SCAMP5: variants seen among roughly 807,000 people sequenced by gnomAD.
SCAMP5 encodes secretory carrier-associated membrane protein 5.
Under a neutral mutation model 28.3 loss-of-function variants are expected in SCAMP5, and 7 were observed. The observed-to-expected ratio is 0.25, with a 90% confidence interval of 0.14 to 0.46. The LOEUF is 0.46. SCAMP5 is among the 20% of genes least tolerant of loss of function. SCAMP5 has a pLI of 0.99. For synonymous variants in SCAMP5, 117 were observed against 116.4 expected (o/e 1.00, Z -0.03); for missense variants, 192 against 312.5 (o/e 0.61, Z 2.91).
Position 75,018,466 on chromosome 15 carries a change from G to A in SCAMP5, c.444G>A (p.Ala148=), listed in dbSNP as rs774185903. The A allele has an allele frequency of 5.0e-6, 8 of 1,613,696 alleles. No individual in the cohort carries two copies. In the East Asian group the frequency reaches 8.9e-5, roughly 18 times the overall value. Residue 148 remains alanine (A), a synonymous_variant, in exon 6 of 7, where the codon GCG becomes GCA. Coordinates refer to ENST00000425597, the MANE Select transcript of SCAMP5 (RefSeq NM_138967.4). The surrounding 1 kb of genome is among the most constrained non-coding windows in gnomAD (Gnocchi z 5.6). The part of the protein sequence containing the change: ...ISFFGTNIGS[A]VVMLIPTVMF... The stretch of plus-strand genomic sequence containing the variant: ...TCTTCGGAACGAACATTGGCTCGGC[G>A]GTGGTGATGCTAATTCCCACTGTCA...
intron 4 of SCAMP5, among the ~76,000 whole-genome samples, chr15:75,017,481 T>G (rs1329293133): frequency 6.6e-6 from 1 of 152,112 alleles, no homozygotes; most frequent in Non-Finnish European, 1.5e-5. Flanking sequence ...CAATGAGACT[T>G]TCTATCTCTG....
At position 75,018,973 on chromosome 15, in the gene SCAMP5, A is replaced by G. The variant is rs374013867; in HGVS notation, c.698A>G (p.Asn233Ser). ...GCCACCCCCAATTACACGTACTCCA[A>G]TGAGATGTGAACCAGCCACGCCTAC... Reference protein sequence around the residue: ...YSATPNYTYSNEM With the variant: ...YSATPNYTYSSEM The change falls in exon 7 of 7, where the codon AAT becomes AGT. Residue 233 changes from asparagine to serine, a missense_variant. Asn to Ser is a conservative substitution (Grantham distance 46). Transcript: ENST00000425597. The surrounding 1 kb of genome is among the most constrained non-coding windows in gnomAD (Gnocchi z 5.6). The G allele has an allele frequency of 2.0e-5, 30 of 1,515,982 alleles. No individual in the cohort carries two copies. In the Admixed American group the frequency reaches 2.2e-4, roughly 11 times the overall value. 93.9% of individuals were successfully genotyped at this position (1,515,982 alleles called of 1,614,324 possible). A position where few individuals can be genotyped will look rare whatever the true frequency, so the allele number is the denominator to read the frequency against.
intron 1 of SCAMP5, among the ~76,000 whole-genome samples, chr15:75,004,216 T>C (rs1425454825): frequency 6.6e-6 from 1 of 152,102 alleles, no homozygotes; most frequent in Non-Finnish European, 1.5e-5. Context: ...TTTTTACTTT[T>C]TAGAGACAGG....
At chr15:75,002,369 A>T (rs1185166165) in intron 1 of SCAMP5, among the ~76,000 whole-genome samples, 2 of 151,852 alleles carry the variant, frequency 1.3e-5, no homozygotes, top group African/African-American at 4.8e-5. Flanking sequence ...TATGTATCCT[A>T]CACATCTCTG....
chr15:75,010,361 G>A (rs888449060), intron 1 of SCAMP5, among the ~76,000 whole-genome samples: 1 of 152,196 alleles, frequency 6.6e-6, no homozygotes, highest in Admixed American at 6.5e-5. Context: ...TCGGGGTTAA[G>A]TGGGCAGGGA....
intron 1 of SCAMP5, 181 bp from the exon 2 acceptor site, chr15:75,011,611 G>A (rs910133194): frequency 2.5e-6 from 1 of 404,650 alleles, no homozygotes; most frequent in African/African-American, 2.0e-5. Context: ...CAGCTGGTAA[G>A]ATGCAGCTGG....
At chr15:74,999,612 AAAAC>A (rs1030190405) in intron 1 of SCAMP5, among the ~76,000 whole-genome samples, 15 of 152,214 alleles carry the variant, frequency 9.9e-5, no homozygotes, top group African/African-American at 3.6e-4. Flanking sequence ...AACAAAAACA[AAAAC>A]AAACCAAACA....
intron 1 of SCAMP5, among the ~76,000 whole-genome samples, chr15:75,001,829 C>T (rs1194377903): frequency 7.6e-6 from 1 of 131,876 alleles, no homozygotes; most frequent in Non-Finnish European, 1.6e-5. Context: ...GAGATCATGC[C>T]ATTGCACTCC....
At chr15:75,011,640 A>G in intron 1 of SCAMP5, 152 bp from the exon 2 acceptor site, 1 of 415,152 alleles carries the variant, frequency 2.4e-6, no homozygotes. Context: ...TGGCTCTGGG[A>G]GGAGGGGAGC....
At chr15:75,013,936 G>T (rs2065836778) in intron 3 of SCAMP5, among the ~76,000 whole-genome samples, 1 of 152,086 alleles carries the variant, frequency 6.6e-6, no homozygotes, top group African/African-American at 2.4e-5. Flanking sequence ...GTGATCTGTA[G>T]CAGGGGGTGG....
At chr15:74,998,667 AC>A (rs971694487) in intron 1 of SCAMP5, among the ~76,000 whole-genome samples, 2 of 147,830 alleles carry the variant, frequency 1.4e-5, no homozygotes, top group East Asian at 2.0e-4. Context: ...TTCCCCTCCA[AC>A]CCCCCACCCC....
At chr15:75,014,494 T>G (rs764017786) in intron 3 of SCAMP5, among the ~76,000 whole-genome samples, 6 of 152,204 alleles carry the variant, frequency 3.9e-5, no homozygotes, top group Non-Finnish European at 8.8e-5. Context: ...CCCTAAGATT[T>G]CTGGGCCACA....
intron 1 of SCAMP5, among the ~76,000 whole-genome samples, chr15:74,997,996 G>A (rs2065668588): frequency 1.3e-5 from 2 of 152,204 alleles, no homozygotes; most frequent in Non-Finnish European, 2.9e-5. Flanking sequence ...CCAGGGATGA[G>A]GGGCCCATAC....
At chr15:75,007,691 G>C (rs1254585552) in intron 1 of SCAMP5, 1 of 152,264 alleles carries the variant, frequency 6.6e-6, no homozygotes, top group Admixed American at 6.6e-5. Flanking sequence ...TCAACCTCCC[G>C]AGTAGCTGGA....
chr15:74,997,745 C>G (rs954945685), intron 1 of SCAMP5, among the ~76,000 whole-genome samples: 9 of 152,316 alleles, frequency 5.9e-5, no homozygotes, highest in Admixed American at 5.2e-4. Flanking sequence ...TTGTAGCTGA[C>G]TGGCACAAAG....
chr15:75,005,875 C>G (rs2065752612), intron 1 of SCAMP5, among the ~76,000 whole-genome samples: 1 of 151,278 alleles, frequency 6.6e-6, no homozygotes. Flanking sequence ...CAAGCACGTG[C>G]TACCATGCCT....
At chr15:75,001,279 A>AC (rs1297218405) in intron 1 of SCAMP5, among the ~76,000 whole-genome samples, 5 of 151,528 alleles carry the variant, frequency 3.3e-5, no homozygotes, top group Non-Finnish European at 7.4e-5. Flanking sequence ...CAAAAAAAAA[A>AC]AAAAAAAAAA....
intron 3 of SCAMP5, among the ~76,000 whole-genome samples, chr15:75,014,160 C>T (rs2065839406): frequency 6.6e-6 from 1 of 152,188 alleles, no homozygotes; most frequent in African/African-American, 2.4e-5. Context: ...TGGGCAGATG[C>T]TTGCATGTGC....
chr15:75,013,772 G>A (rs2065835081), intron 3 of SCAMP5, among the ~76,000 whole-genome samples: 1 of 152,178 alleles, frequency 6.6e-6, no homozygotes, highest in African/African-American at 2.4e-5. Context: ...AGGCTGCAGT[G>A]AGCTATGATC....
Sources: allele counts gnomAD v4.1 joint callset (sites outside exome capture counted in the v4.1 genomes callset), GRCh38; gene constraint gnomAD v4.1.1; non-coding constraint Gnocchi (gnomAD v3.1); transcripts MANE v1.5; gene names NCBI Gene and HGNC (gene_info 2026-07-23, HGNC 2026-07-21).